The following COG3 variants were observed in gnomAD, a reference collection of about 807,000 sequenced individuals.
COG3 encodes the protein component of oligomeric golgi complex 3, also known as conserved oligomeric Golgi complex subunit 3.
A neutral mutation model predicts 114.1 loss-of-function variants in COG3; 32 were observed. That is an observed-to-expected ratio of 0.28 (90% CI 0.21 to 0.38). COG3 has a LOEUF of 0.38. Ranked by LOEUF, COG3 falls within the 10% of genes least tolerant of loss-of-function variation. COG3 has a pLI of 1.00. For synonymous variants in COG3, 352 were observed against 365.7 expected, an observed-to-expected ratio of 0.96 and a Z score of 0.43; for missense variants, 813 against 973.2, an observed-to-expected ratio of 0.84 and a Z score of 2.19.
At chr13:45,505,744 C>T (rs996209686) in intron 14 of COG3, among the ~76,000 whole-genome samples, 19 of 152,128 alleles carry the variant, frequency 1.2e-4, no homozygotes, top group African/African-American at 4.6e-4. Flanking sequence ...CAGGCATGGG[C>T]CACCATGCCC....
chr13:45,531,026 G>GT, intron 22 of COG3: 1 of 1,097,992 alleles, frequency 9.1e-7, no homozygotes, highest in Non-Finnish European at 1.1e-6. Flanking sequence ...ATATTGCTGT[G>GT]TTTAAGAGAA....
rs72096860 is a variant in COG3, at chr13:45,486,339, C to CGGAGAGGGAGA, written c.844-154_844-153insAGAGGGAGAGG. Among the ~76,000 whole-genome samples the CGGAGAGGGAGA allele has an allele frequency of 4.0e-3, 219 of 55,234 alleles. 40 individuals are homozygous for CGGAGAGGGAGA. Among genetic ancestry groups the CGGAGAGGGAGA allele is most frequent in the African/African-American group, 0.027 (183 of 6,670 alleles). The allele number at this position is 55,234 out of a possible 152,430, so 36.2% of individuals were successfully genotyped here. A position where few individuals can be genotyped will look rare whatever the true frequency, so the allele number is the denominator to read the frequency against. On this transcript the variant is annotated intron_variant, in intron 7 of 22. Coordinates refer to ENST00000349995, the MANE Select transcript of COG3 (RefSeq NM_031431.4). ...GAGACGGGAGACGGGAGACGGGAGACGGGAGAGGGAGAGGGAGAGGGAGAG... is the reference window on the plus strand; with the variant it reads ...GAGACGGGAGACGGGAGACGGGAGACGGAGAGGGAGAGGGAGAGGGAGAGGGAGAGGGAGAG...
chr13:45,479,181 C>T (rs992134236), intron 3 of COG3, 115 bp downstream of exon 3: 6 of 711,686 alleles, frequency 8.4e-6, no homozygotes, highest in Middle Eastern at 3.7e-4. Flanking sequence ...ACTGTAACAG[C>T]CATATATTCT....
rs559363476 is a variant in COG3 at position 45,521,568 on chromosome 13, TAC to T, written c.2154+2476_2154+2477del. The stretch of plus-strand genomic sequence containing the variant: ...GCATAGAGTGAGTCAGAGACAAAGA[TAC>T]ATACGTGCACACACACACACACACA... On this transcript the variant is annotated intron_variant, in intron 19 of 22. Transcript: ENST00000349995. Among the ~76,000 whole-genome samples the T allele has an allele frequency of 3.2e-3, 444 of 140,858 alleles. 3 individuals are homozygous for T. Among genetic ancestry groups the T allele is most frequent in the Non-Finnish European group, 4.3e-3 (289 of 66,908 alleles). The allele number at this position is 140,858 out of a possible 152,430, so 92.4% of individuals were successfully genotyped here.
At chr13:45,514,951 C>T (rs7991306) in intron 16 of COG3, among the ~76,000 whole-genome samples, 22,031 of 152,088 alleles carry the variant, frequency 0.14, 2,539 homozygotes, top group African/African-American at 0.32. Flanking sequence ...CCTGGCCAAG[C>T]TTGTGTACTT....
chr13:45,478,954 T>TA (rs1566243568), intron 2 of COG3, 51 bp from the exon 3 acceptor site: 1 of 1,329,174 alleles, frequency 7.5e-7, no homozygotes, highest in East Asian at 2.3e-5. Flanking sequence ...TAGCCACTTT[T>TA]AATTTTGTCA....
At chr13:45,476,167 C>A in intron 1 of COG3, 34 bp from the exon 2 acceptor site, 1 of 1,600,096 alleles carries the variant, frequency 6.2e-7, no homozygotes, top group South Asian at 1.1e-5. Context: ...ATTTTCAAGT[C>A]ACTTAAATAT....
intron 15 of COG3, among the ~76,000 whole-genome samples, chr13:45,510,306 T>C (rs769396723): frequency 2.0e-5 from 3 of 152,220 alleles, no homozygotes; most frequent in Non-Finnish European, 2.9e-5. Flanking sequence ...TGCTGGGCTT[T>C]GTGCTTATAG....
At chr13:45,484,127 A>G (rs1421869519) in intron 7 of COG3, among the ~76,000 whole-genome samples, 3 of 152,228 alleles carry the variant, frequency 2.0e-5, no homozygotes, top group Non-Finnish European at 4.4e-5. Flanking sequence ...CTTGCTTTCT[A>G]AAGAACGTGG....
At chr13:45,497,852 A>G (rs924980659) in intron 13 of COG3, among the ~76,000 whole-genome samples, 4 of 151,988 alleles carry the variant, frequency 2.6e-5, no homozygotes, top group Non-Finnish European at 5.9e-5. Flanking sequence ...GCAGGACGGA[A>G]TATAACTTTA....
intron 1 of COG3, among the ~76,000 whole-genome samples, chr13:45,474,151 CTTTTTTT>C (rs10558884): frequency 1.5e-4 from 12 of 82,010 alleles, no homozygotes; most frequent in Non-Finnish European, 2.1e-4. Context: ...CTTTTTTACT[CTTTTTTT>C]TTTTTTTTTT....
At chr13:45,467,238 T>C (rs538070234) in intron 1 of COG3, among the ~76,000 whole-genome samples, 2 of 152,198 alleles carry the variant, frequency 1.3e-5, no homozygotes, top group Non-Finnish European at 2.9e-5. Context: ...GCTTAATGAG[T>C]TCAAGAATTC....
chr13:45,474,201 A>C (rs1320190494), intron 1 of COG3, among the ~76,000 whole-genome samples: 2 of 120,744 alleles, frequency 1.7e-5, no homozygotes, highest in African/African-American at 6.7e-5. Context: ...TCTGTCGCCC[A>C]GGCTGGAGTG....
intron 7 of COG3, among the ~76,000 whole-genome samples, chr13:45,483,937 GAAAT>G (rs965543539): frequency 6.6e-6 from 1 of 152,024 alleles, no homozygotes; most frequent in Non-Finnish European, 1.5e-5. Flanking sequence ...ATATTCAAAA[GAAAT>G]AACCAGTACA....
At position 45,500,112 on chromosome 13, in the gene COG3, AT is replaced by A. The variant is rs1407141718; in HGVS notation, c.1489-3131del. 7.7e-5 allele frequency among the ~76,000 whole-genome samples: 9 copies of A among 116,322 alleles called. No homozygotes were observed. In the East Asian group the frequency reaches 1.7e-3, roughly 22 times the overall value. 76.3% of individuals were successfully genotyped at this position (116,322 alleles called of 152,430 possible). The stretch of plus-strand genomic sequence containing the variant: ...TGTGTGTGTATATATATATATATAT[AT>A]ATAAAAAAGAGGCCTGATTATTTTA... On this transcript the variant is annotated intron_variant, in intron 13 of 22. Coordinates refer to ENST00000349995, the MANE Select transcript of COG3 (RefSeq NM_031431.4).
At chr13:45,469,633 GAAGT>G (rs1015331758) in intron 1 of COG3, among the ~76,000 whole-genome samples, 3 of 152,154 alleles carry the variant, frequency 2.0e-5, no homozygotes, top group African/African-American at 2.4e-5. Flanking sequence ...CTTACATGGT[GAAGT>G]AAGTAAGAGT....
chr13:45,530,033 G>GATTATTC, intron 21 of COG3, 115 bp downstream of exon 21: 2 of 1,149,084 alleles, frequency 1.7e-6, no homozygotes, highest in Non-Finnish European at 2.4e-6. Context: ...CTGTTCTAGT[G>GATTATTC]AAGTTGAATA....
intron 16 of COG3, among the ~76,000 whole-genome samples, chr13:45,515,824 A>T (rs1998790): frequency 0.15 from 22,247 of 152,166 alleles, 2,606 homozygotes; most frequent in African/African-American, 0.32. Flanking sequence ...TCTGGGCCAC[A>T]GTTAGGCTGC....
In COG3 at chr13:45,525,016, A is replaced by G. The variant is rs745307881; in HGVS notation, c.2195A>G (p.Lys732Arg). 2 of 1,613,920 alleles carry G rather than the reference A, an allele frequency of 1.2e-6. No homozygotes were observed. Among genetic ancestry groups the G allele is most frequent in the Non-Finnish European group, 1.7e-6 (2 of 1,179,880 alleles). The change falls in exon 20 of 23, where the codon AAG (lysine) becomes AGG (arginine). Residue 732 changes from lysine to arginine, a missense_variant. Transcript: ENST00000349995. ...LKTMASQGGPKYTLSQQPWAQ... is the reference protein window; with the variant it reads ...LKTMASQGGPRYTLSQQPWAQ... ...ACAATGGCCAGTCAGGGAGGCCCCAAGTATACTCTCTCACAGCAGCCTTGG... is the reference window on the plus strand; with the variant it reads ...ACAATGGCCAGTCAGGGAGGCCCCAGGTATACTCTCTCACAGCAGCCTTGG...
Sources: allele counts gnomAD v4.1 joint callset (sites outside exome capture counted in the v4.1 genomes callset), GRCh38; gene constraint gnomAD v4.1.1; transcripts MANE v1.5; gene names NCBI Gene and HGNC (gene_info 2026-07-23, HGNC 2026-07-21).